The following ST6GALNAC5 variants were observed in gnomAD, a reference collection of about 807,000 sequenced individuals.
ST6GALNAC5 encodes the protein alpha-N-acetylgalactosaminide alpha-2,6-sialyltransferase 5.
ST6GALNAC5 carries 27 observed loss-of-function variants against 33.6 expected under a neutral mutation model. The observed-to-expected ratio is 0.80, with a 90% CI of 0.59 to 1.11. ST6GALNAC5 has a LOEUF of 1.11. ST6GALNAC5 is among the 50% of genes least tolerant of loss of function. The pLI is 0.00. For synonymous variants in ST6GALNAC5, 194 were observed against 171.2 expected (o/e 1.13, Z -1.04); for missense variants, 428 against 454.0 (o/e 0.94, Z 0.52).
intron 2 of ST6GALNAC5, among the ~76,000 whole-genome samples, chr1:76,953,267 G>A (rs1647825348): frequency 1.3e-5 from 2 of 152,086 alleles, no homozygotes; most frequent in Admixed American, 1.3e-4. Flanking sequence ...ATTTTCCAGA[G>A]TGCCTGTATT....
intron 2 of ST6GALNAC5, among the ~76,000 whole-genome samples, chr1:76,944,184 T>C (rs1381780222): frequency 6.6e-6 from 1 of 152,154 alleles, no homozygotes; most frequent in Non-Finnish European, 1.5e-5. Context: ...AAATGTGTCT[T>C]GGTTTTATCT....
intron 2 of ST6GALNAC5, among the ~76,000 whole-genome samples, chr1:76,893,197 A>G (rs1001817236): frequency 4.6e-5 from 7 of 152,192 alleles, no homozygotes; most frequent in African/African-American, 1.7e-4. Flanking sequence ...GAGTAAGTGC[A>G]CAGTAAAAGT....
At chr1:76,912,417 G>C (rs1646923747) in intron 2 of ST6GALNAC5, among the ~76,000 whole-genome samples, 1 of 152,088 alleles carries the variant, frequency 6.6e-6, no homozygotes, top group African/African-American at 2.4e-5. Context: ...TTGGGGTGGA[G>C]AGTTCTGTAG....
intron 2 of ST6GALNAC5, among the ~76,000 whole-genome samples, chr1:77,027,131 G>A (rs549264975): frequency 6.6e-6 from 1 of 152,356 alleles, no homozygotes; most frequent in South Asian, 2.1e-4. Flanking sequence ...CCACTGCTCA[G>A]TGCTTCTGGA....
rs769598284 is a variant in ST6GALNAC5 at position 77,044,425 on chromosome 1, C to T, written c.483C>T (p.Asn161=). ...RILRNRHDLL[N]VSQGTVFIFW... The stretch of plus-strand genomic sequence containing the variant: ...TCCGCAACCGCCATGACCTGCTCAA[C>T]GTGAGCCAGGGCACCGTGTTCATCT... Residue 161 remains asparagine, a synonymous_variant, in exon 3 of 5, where the codon AAC becomes AAT. Coordinates refer to ENST00000477717, the MANE Select transcript of ST6GALNAC5 (RefSeq NM_030965.3). 9.9e-6 allele frequency: 16 copies of T among 1,613,300 alleles called. No individual in the cohort carries two copies. Among genetic ancestry groups the T allele is most frequent in the Admixed American group, 5.0e-5 (3 of 59,992 alleles).
intron 2 of ST6GALNAC5, among the ~76,000 whole-genome samples, chr1:76,969,462 G>A (rs931433082): frequency 6.6e-6 from 1 of 152,208 alleles, no homozygotes; most frequent in Non-Finnish European, 1.5e-5. Flanking sequence ...CAAGGCAGTA[G>A]CCTGTCAGGG....
At chr1:77,047,971 C>G (rs1401667111) in intron 3 of ST6GALNAC5, among the ~76,000 whole-genome samples, 3 of 152,136 alleles carry the variant, frequency 2.0e-5, no homozygotes, top group African/African-American at 7.2e-5. Flanking sequence ...AAGAGTTCAA[C>G]AAAGAGTTTT....
At chr1:77,020,927 C>T (rs946793532) in intron 2 of ST6GALNAC5, among the ~76,000 whole-genome samples, 2 of 152,124 alleles carry the variant, frequency 1.3e-5, no homozygotes, top group Non-Finnish European at 2.9e-5. Flanking sequence ...TGTTGTTACC[C>T]GGGGTTCCGC....
chr1:77,017,763 T>A (rs761901963), intron 2 of ST6GALNAC5, among the ~76,000 whole-genome samples: 1 of 152,202 alleles, frequency 6.6e-6, no homozygotes, highest in African/African-American at 2.4e-5. Flanking sequence ...TGAGAAAGAA[T>A]GAATGTGAGA....
intron 2 of ST6GALNAC5, among the ~76,000 whole-genome samples, chr1:76,870,312 A>G (rs886212017): frequency 1.4e-4 from 21 of 152,234 alleles, no homozygotes; most frequent in African/African-American, 4.6e-4. Context: ...TATGATGGAT[A>G]TACTGAGATC....
chr1:76,975,945 C>T (rs1251336360), intron 2 of ST6GALNAC5, among the ~76,000 whole-genome samples: 1 of 151,702 alleles, frequency 6.6e-6, no homozygotes, highest in African/African-American at 2.4e-5. Flanking sequence ...AAATACAAAA[C>T]TTAGCCGGGC....
At chr1:76,964,861 G>T (rs1313966190) in intron 2 of ST6GALNAC5, among the ~76,000 whole-genome samples, 2 of 152,100 alleles carry the variant, frequency 1.3e-5, no homozygotes, top group Non-Finnish European at 2.9e-5. Context: ...TGTGGTGTTT[G>T]GTTTTCTGTC....
intron 2 of ST6GALNAC5, among the ~76,000 whole-genome samples, chr1:76,894,747 G>T (rs77526746): frequency 0.018 from 2,801 of 152,256 alleles, 86 homozygotes; most frequent in African/African-American, 0.063. Flanking sequence ...TAGGAGGAGG[G>T]TAAGTATTGA....
intron 2 of ST6GALNAC5, among the ~76,000 whole-genome samples, chr1:76,964,153 G>T (rs1449564599): frequency 6.6e-6 from 1 of 152,108 alleles, no homozygotes; most frequent in Non-Finnish European, 1.5e-5. Context: ...CTTTAAAATA[G>T]TAAGTTGTAT....
At chr1:76,988,890 C>T (rs545942262) in intron 2 of ST6GALNAC5, among the ~76,000 whole-genome samples, 39 of 152,226 alleles carry the variant, frequency 2.6e-4, no homozygotes, top group African/African-American at 8.2e-4. Flanking sequence ...TAATATTGCT[C>T]CAGTTTTTGA....
At chr1:76,969,201 G>T (rs986820398) in intron 2 of ST6GALNAC5, among the ~76,000 whole-genome samples, 1 of 152,182 alleles carries the variant, frequency 6.6e-6, no homozygotes, top group Non-Finnish European at 1.5e-5. Context: ...AGGGCAAGCC[G>T]AAGCAGGGTG....
intron 2 of ST6GALNAC5, among the ~76,000 whole-genome samples, chr1:76,908,419 C>T (rs1388458536): frequency 6.6e-6 from 1 of 152,144 alleles, no homozygotes; most frequent in Non-Finnish European, 1.5e-5. Context: ...TCTGCCATTA[C>T]AACCCAATCA....
At chr1:76,949,189 G>A (rs539588434) in intron 2 of ST6GALNAC5, among the ~76,000 whole-genome samples, 6 of 152,126 alleles carry the variant, frequency 3.9e-5, no homozygotes, top group Non-Finnish European at 7.4e-5. Context: ...ATCCAAGATG[G>A]GATGGCACAT....
intron 2 of ST6GALNAC5, among the ~76,000 whole-genome samples, chr1:77,020,477 T>A (rs2100435631): frequency 6.6e-6 from 1 of 152,278 alleles, no homozygotes; most frequent in East Asian, 1.9e-4. Context: ...CTCAGCTCAC[T>A]GCAACCTGCA....
Sources: allele counts gnomAD v4.1 joint callset (sites outside exome capture counted in the v4.1 genomes callset), GRCh38; gene constraint gnomAD v4.1.1; transcripts MANE v1.5; gene names NCBI Gene and HGNC (gene_info 2026-07-23, HGNC 2026-07-21).